Variants in TRAK1 observed in about 807,000 individuals in gnomAD.
TRAK1 encodes trafficking kinesin-binding protein 1.
Under a neutral mutation model 92.1 loss-of-function variants are expected in TRAK1, and 33 were observed. That is an observed-to-expected ratio of 0.36 (90% CI 0.27 to 0.48). TRAK1 has a LOEUF of 0.48. Among genes scored for constraint, TRAK1 ranks in the 20% least tolerant of loss-of-function variants. The probability of loss-of-function intolerance (pLI) is 0.99; values close to 1 mark genes in which losing one functional copy is unlikely to be tolerated. For missense variants in TRAK1, 1,123 were observed against 1,257.9 expected (o/e 0.89, Z 1.62); for synonymous variants, 521 against 517.3 (o/e 1.01, Z -0.10).
chr3:42,132,317 G>A (rs1386064682), intron 2 of TRAK1, among the ~76,000 whole-genome samples: 4 of 146,970 alleles, frequency 2.7e-5, no homozygotes, highest in East Asian at 2.0e-4. Flanking sequence ...TGGAGTGAGT[G>A]CCTTGGTGCC....
intron 2 of TRAK1, among the ~76,000 whole-genome samples, chr3:42,145,160 T>C (rs1261139610): frequency 2.6e-5 from 4 of 152,210 alleles, no homozygotes; most frequent in Admixed American, 6.5e-5. Flanking sequence ...ATATATGCAG[T>C]TTTGAAAATT....
intron 1 of TRAK1, among the ~76,000 whole-genome samples, chr3:42,108,141 A>C (rs1359098639): frequency 1.3e-5 from 2 of 152,098 alleles, no homozygotes; most frequent in East Asian, 1.9e-4. Flanking sequence ...TACTAAGAAG[A>C]GTATGGATAG....
At chr3:42,153,478 G>C (rs546491632) in intron 2 of TRAK1, among the ~76,000 whole-genome samples, 1 of 152,178 alleles carries the variant, frequency 6.6e-6, no homozygotes, top group South Asian at 2.1e-4. Context: ...AGTTTCTTTT[G>C]TAATCAGACT....
At chr3:42,197,260 T>TA (rs1271614457) in intron 10 of TRAK1, among the ~76,000 whole-genome samples, 1 of 152,066 alleles carries the variant, frequency 6.6e-6, no homozygotes, top group African/African-American at 2.4e-5. Flanking sequence ...CAGGACCCCC[T>TA]GCAGATACCA....
intron 1 of TRAK1, among the ~76,000 whole-genome samples, chr3:42,030,776 T>C (rs1158890457): frequency 6.9e-6 from 1 of 145,738 alleles, no homozygotes; most frequent in Admixed American, 6.8e-5. Context: ...TAGGGACTGC[T>C]TGGGTTAAAG....
At chr3:42,182,299 CTTTT>C (rs57384116) in intron 3 of TRAK1, among the ~76,000 whole-genome samples, 23 of 144,342 alleles carry the variant, frequency 1.6e-4, no homozygotes, top group African/African-American at 5.6e-4. Flanking sequence ...GCAACTCTCT[CTTTT>C]TTTTTTTTTT....
At chr3:42,194,105 G>T (rs560507738) in intron 9 of TRAK1, among the ~76,000 whole-genome samples, 1 of 152,288 alleles carries the variant, frequency 6.6e-6, no homozygotes, top group African/African-American at 2.4e-5. Context: ...GTGTGGCAGG[G>T]CTCTACACCA....
chr3:42,224,026 G>C lies in TRAK1; in HGVS notation c.*289G>C, dbSNP rs781084416. On this transcript the variant is annotated 3_prime_UTR_variant, in exon 16 of 16. Coordinates refer to ENST00000327628, the MANE Select transcript of TRAK1 (RefSeq NM_001042646.3). Reference sequence around the variant, plus strand: ...GAGGACGTCACCTGTGCTAACCTGGGGGAAGGTGGGGTCCTTTCTTCTTTC... The same window carrying C: ...GAGGACGTCACCTGTGCTAACCTGGCGGAAGGTGGGGTCCTTTCTTCTTTC... 5 of 586,258 alleles carry C rather than the reference G, an allele frequency of 8.5e-6. No homozygotes were observed. The highest frequency in any genetic ancestry group is 7.3e-5 in the African/African-American group (4 of 54,592). The allele number at this position is 586,258 out of a possible 1,614,324, so 36.3% of individuals were successfully genotyped here.
chr3:42,197,578 CTATT>C (rs1287046668), intron 10 of TRAK1, among the ~76,000 whole-genome samples: 3 of 152,266 alleles, frequency 2.0e-5, no homozygotes, highest in South Asian at 2.1e-4. Context: ...CCTTTCTTCT[CTATT>C]TGTAAATTAT....
At chr3:42,120,484 T>A (rs1709706074) in intron 1 of TRAK1, among the ~76,000 whole-genome samples, 3 of 152,154 alleles carry the variant, frequency 2.0e-5, no homozygotes, top group South Asian at 4.1e-4. Flanking sequence ...TGCAGGTTCC[T>A]GACCCTCCGT....
chr3:42,195,718 A>C (rs1706516553), intron 10 of TRAK1, among the ~76,000 whole-genome samples: 1 of 152,202 alleles, frequency 6.6e-6, no homozygotes, highest in Non-Finnish European at 1.5e-5. Context: ...TCTCCGCCTC[A>C]AGAAGCTTCA....
At chr3:42,079,057 C>T (rs1375313865) in intron 1 of TRAK1, among the ~76,000 whole-genome samples, 1 of 152,132 alleles carries the variant, frequency 6.6e-6, no homozygotes, top group Non-Finnish European at 1.5e-5. Context: ...TTCCCAGAGC[C>T]CCCAGTAATG....
intron 1 of TRAK1, among the ~76,000 whole-genome samples, chr3:42,064,868 C>T (rs757612423): frequency 3.2e-4 from 48 of 151,828 alleles, no homozygotes; most frequent in South Asian, 8.3e-4. Context: ...CTGGCTGACA[C>T]GGTGAAACCC....
At chr3:42,111,643 C>T (rs549027696) in intron 1 of TRAK1, among the ~76,000 whole-genome samples, 85 of 152,264 alleles carry the variant, frequency 5.6e-4, no homozygotes, top group African/African-American at 2.0e-3. Flanking sequence ...GATCCTCCCA[C>T]CTAGGCCTCC....
chr3:42,196,704 A>ATTTTTT (rs35460407), intron 10 of TRAK1, among the ~76,000 whole-genome samples: 1 of 142,064 alleles, frequency 7.0e-6, no homozygotes, highest in Non-Finnish European at 1.5e-5. Context: ...CGCCCGGCTA[A>ATTTTTT]TTTTTTTTTT....
At chr3:42,106,559 A>G (rs1260779940) in intron 1 of TRAK1, among the ~76,000 whole-genome samples, 2 of 152,208 alleles carry the variant, frequency 1.3e-5, no homozygotes, top group African/African-American at 4.8e-5. Flanking sequence ...TAGACACTTT[A>G]TGTGCACTGG....
At chr3:42,129,397 C>A (rs1696901553) in intron 2 of TRAK1, among the ~76,000 whole-genome samples, 1 of 152,140 alleles carries the variant, frequency 6.6e-6, no homozygotes, top group South Asian at 2.1e-4. Flanking sequence ...CTATGCAGAT[C>A]AGAGCAGACA....
At chr3:42,062,419 T>C (rs758742313) in intron 1 of TRAK1, among the ~76,000 whole-genome samples, 27 of 152,248 alleles carry the variant, frequency 1.8e-4, no homozygotes, top group Non-Finnish European at 1.9e-4. Context: ...ATTCCAGTTA[T>C]ACTTTTAGCA....
chr3:42,067,662 G>C (rs1205183764), intron 1 of TRAK1, among the ~76,000 whole-genome samples: 1 of 151,830 alleles, frequency 6.6e-6, no homozygotes, highest in Non-Finnish European at 1.5e-5. Context: ...ATGTGATCCT[G>C]GTGGACTGTC....
Sources: allele counts gnomAD v4.1 joint callset (sites outside exome capture counted in the v4.1 genomes callset), GRCh38; gene constraint gnomAD v4.1.1; transcripts MANE v1.5; gene names NCBI Gene and HGNC (gene_info 2026-07-23, HGNC 2026-07-21).